DPP6: variants seen among roughly 807,000 people sequenced by gnomAD.
The protein encoded by DPP6 is dipeptidyl peptidase like 6, also known as A-type potassium channel modulatory protein DPP6.
Under a neutral mutation model 122.6 loss-of-function variants are expected in DPP6, and 69 were observed. The observed-to-expected ratio is 0.56, with a 90% CI of 0.46 to 0.69. The LOEUF (loss-of-function observed/expected upper bound fraction) is 0.69. DPP6 is among the 30% of genes least tolerant of loss of function. The pLI, the probability that DPP6 is intolerant of heterozygous loss-of-function variation, is 0.00. For missense variants in DPP6, 928 were observed against 1,116.9 expected, an observed-to-expected ratio of 0.83 and a Z score of 2.41; for synonymous variants, 418 against 433.1, an observed-to-expected ratio of 0.97 and a Z score of 0.43.
chr7:153,914,359 A>G (rs1212161564), intron 1 of DPP6, among the ~76,000 whole-genome samples: 1 of 152,186 alleles, frequency 6.6e-6, no homozygotes, highest in Non-Finnish European at 1.5e-5. Context: ...GCATGAGAAC[A>G]GACTAATACA....
At chr7:154,513,154 C>T (rs1473657947) in intron 3 of DPP6, among the ~76,000 whole-genome samples, 1 of 152,150 alleles carries the variant, frequency 6.6e-6, no homozygotes, top group African/African-American at 2.4e-5. Flanking sequence ...AGAATTTCTT[C>T]ATAAATGACT....
chr7:154,743,428 C>A (rs139749370), intron 8 of DPP6, among the ~76,000 whole-genome samples: 1 of 152,040 alleles, frequency 6.6e-6, no homozygotes, highest in Non-Finnish European at 1.5e-5. Context: ...TTGTGCACTG[C>A]GATTTTCCAA....
At chr7:153,887,779 C>G (rs1375531921) in intron 1 of DPP6, 2 of 1,601,062 alleles carry the variant, frequency 1.2e-6, no homozygotes, top group Non-Finnish European at 1.7e-6. Context: ...GGGGACCCAC[C>G]GTGAGGAGCG....
At chr7:154,084,989 CAAAAAAAAAAAA>C (rs370222780) in intron 1 of DPP6, among the ~76,000 whole-genome samples, 1 of 78,434 alleles carries the variant, frequency 1.3e-5, no homozygotes. Context: ...GACTCCGTCT[CAAAAAAAAAAAA>C]AAAAAAAAAA....
chr7:154,481,121 C>G lies in DPP6; in HGVS notation c.457+6084C>G, dbSNP rs1257946444. ...TCTACTCCGGCACCTCAGGTACTAG[C>G]TCAGGTGCAAGGAGAAGGGGATGCT... is the stretch of plus-strand genomic sequence containing the variant. On this transcript the variant is annotated intron_variant, in intron 3 of 25. Transcript: ENST00000377770. This position sits in a 1 kb window ranked among gnomAD's most constrained non-coding sequence, Gnocchi z 4.2. 6.6e-6 allele frequency among the ~76,000 whole-genome samples: 1 copy of G among 152,060 alleles called. No individual in the cohort carries two copies. Among genetic ancestry groups the G allele is most frequent in the Non-Finnish European group, 1.5e-5 (1 of 68,030 alleles).
intron 5 of DPP6, among the ~76,000 whole-genome samples, chr7:154,623,914 T>C (rs975406984): frequency 1.3e-5 from 2 of 152,192 alleles, no homozygotes; most frequent in Non-Finnish European, 2.9e-5. Flanking sequence ...ATTTCAAAAC[T>C]ATATAGAGGG....
At chr7:153,859,603 G>A in the DPP6 span, among the ~76,000 whole-genome samples, 2 of 152,204 alleles carry the variant, frequency 1.3e-5, no homozygotes, top group African/African-American at 2.4e-5. Flanking sequence ...TTTACTGCCT[G>A]TTGCATGGAG....
Position 154,443,969 on chromosome 7 carries a change from A to C in DPP6, c.244-2245A>C, listed in dbSNP as rs182707406. On this transcript the variant is annotated intron_variant, in intron 1 of 25. Transcript: ENST00000377770. ...GTGACTTCTCTTGACTTTCATGGAA[A>C]GCAGAATCAATCCTACTCGAATTTT... Among the ~76,000 whole-genome samples, 372 of 152,236 alleles carry C rather than the reference A, an allele frequency of 2.4e-3. 1 individual carries two copies. Among genetic ancestry groups the C allele is most frequent in the African/African-American group, 8.6e-3 (359 of 41,526 alleles).
At chr7:154,090,859 G>A (rs547085032) in intron 1 of DPP6, among the ~76,000 whole-genome samples, 38 of 150,038 alleles carry the variant, frequency 2.5e-4, no homozygotes, top group Admixed American at 1.7e-3. Flanking sequence ...GGTGGCTCAT[G>A]CCTGTAATCC....
chr7:154,259,570 G>T (rs1481307342), intron 1 of DPP6, among the ~76,000 whole-genome samples: 2 of 152,188 alleles, frequency 1.3e-5, no homozygotes, highest in Non-Finnish European at 2.9e-5. Context: ...CAGCTGCTCA[G>T]GGGTGAATGA....
At chr7:154,169,427 C>T (rs1043977926) in intron 1 of DPP6, among the ~76,000 whole-genome samples, 3 of 152,152 alleles carry the variant, frequency 2.0e-5, no homozygotes, top group African/African-American at 4.8e-5. Context: ...CAGCAGGCAT[C>T]GCTAAGCCTG....
intron 1 of DPP6, among the ~76,000 whole-genome samples, chr7:154,400,615 T>C (rs1815489805): frequency 6.6e-6 from 1 of 152,224 alleles, no homozygotes; most frequent in South Asian, 2.1e-4. Context: ...GTAGCTGATA[T>C]GAGTTTGGTT....
At chr7:154,163,600 T>G (rs963492407) in intron 1 of DPP6, among the ~76,000 whole-genome samples, 2 of 152,190 alleles carry the variant, frequency 1.3e-5, no homozygotes, top group African/African-American at 2.4e-5. Context: ...GTGTCCTGAT[T>G]ACTGAGGCAG....
chr7:153,818,805 C>G, the DPP6 span, among the ~76,000 whole-genome samples: 4 of 151,946 alleles, frequency 2.6e-5, no homozygotes, highest in Admixed American at 2.0e-4. Context: ...AGGCTGGAGT[C>G]CAGTGGTGTG....
chr7:154,292,499 T>A (rs1476196710), intron 1 of DPP6, among the ~76,000 whole-genome samples: 11 of 152,224 alleles, frequency 7.2e-5, no homozygotes, highest in Admixed American at 7.2e-4. Context: ...CAGATGTGCT[T>A]TTTCCCATTG....
intron 1 of DPP6, among the ~76,000 whole-genome samples, chr7:154,222,977 G>T (rs1800392877): frequency 6.7e-6 from 1 of 149,126 alleles, no homozygotes; most frequent in Non-Finnish European, 1.5e-5. Flanking sequence ...TGTAATTATT[G>T]TTAAAATGAT....
intron 2 of DPP6, among the ~76,000 whole-genome samples, chr7:154,460,568 C>T (rs1450332069): frequency 1.3e-5 from 2 of 152,124 alleles, no homozygotes; most frequent in African/African-American, 2.4e-5. Context: ...TTCTCAATCC[C>T]AGCTTCCTAC....
At chr7:154,112,724 A>G (rs1487969473) in intron 1 of DPP6, among the ~76,000 whole-genome samples, 2 of 152,054 alleles carry the variant, frequency 1.3e-5, no homozygotes, top group African/African-American at 2.4e-5. Context: ...ATAACTACAA[A>G]CTTTCTTTTC....
intron 1 of DPP6, among the ~76,000 whole-genome samples, chr7:153,965,060 G>T (rs1271664050): frequency 3.1e-5 from 4 of 130,358 alleles, no homozygotes; most frequent in African/African-American, 9.2e-5. Flanking sequence ...TCAGACTTTG[G>T]TTAATTGTGA....
Sources: allele counts gnomAD v4.1 joint callset (sites outside exome capture counted in the v4.1 genomes callset), GRCh38; gene constraint gnomAD v4.1.1; non-coding constraint Gnocchi (gnomAD v3.1); transcripts MANE v1.5; gene names NCBI Gene and HGNC (gene_info 2026-07-23, HGNC 2026-07-21).